PTCD2: variants seen among roughly 807,000 people sequenced by gnomAD.
The protein encoded by PTCD2 is pentatricopeptide repeat domain 2, also known as pentatricopeptide repeat-containing protein 2, mitochondrial.
A neutral mutation model predicts 42.6 loss-of-function variants in PTCD2; 31 were observed. That is an observed-to-expected ratio of 0.73 (90% confidence interval 0.55 to 0.98). PTCD2 has a LOEUF of 0.98. Ranked by LOEUF, PTCD2 falls within the 50% of genes least tolerant of loss-of-function variation. PTCD2 has a pLI of 0.00. For synonymous variants in PTCD2, 183 were observed against 170.9 expected (o/e 1.07, Z -0.55); for missense variants, 476 against 454.8 (o/e 1.05, Z -0.42).
intron 8 of PTCD2, among the ~76,000 whole-genome samples, chr5:72,350,247 G>A (rs1278030942): frequency 6.6e-6 from 1 of 152,204 alleles, no homozygotes; most frequent in Non-Finnish European, 1.5e-5. Context: ...GCCTGCCCCA[G>A]TTTCACGGAT....
At chr5:72,333,004 G>A (rs989602624) in intron 4 of PTCD2, among the ~76,000 whole-genome samples, 15 of 152,070 alleles carry the variant, frequency 9.9e-5, no homozygotes, top group Non-Finnish European at 2.1e-4. Context: ...TTTAAATGAG[G>A]CTAATTGAAA....
chr5:72,332,650 T>G (rs1265627497), intron 4 of PTCD2, among the ~76,000 whole-genome samples: 1 of 151,770 alleles, frequency 6.6e-6, no homozygotes, highest in African/African-American at 2.4e-5. Flanking sequence ...AGCAAACGGG[T>G]TTTTTTTAGC....
chr5:72,340,140 G>A (rs1751980051), intron 7 of PTCD2, among the ~76,000 whole-genome samples: 1 of 151,886 alleles, frequency 6.6e-6, no homozygotes, highest in Non-Finnish European at 1.5e-5. Flanking sequence ...TATGCCATGT[G>A]GTTATTTTCT....
chr5:72,326,211 T>C (rs1242088107), intron 2 of PTCD2, among the ~76,000 whole-genome samples: 1 of 152,256 alleles, frequency 6.6e-6, no homozygotes, highest in African/African-American at 2.4e-5. Context: ...GTTGACGGTT[T>C]GGGTGTCTGG....
intron 9 of PTCD2, among the ~76,000 whole-genome samples, chr5:72,354,577 C>G (rs1752785253): frequency 6.6e-6 from 1 of 152,056 alleles, no homozygotes; most frequent in African/African-American, 2.4e-5. Context: ...TGATATTTCT[C>G]TTGAATAGAA....
intron 4 of PTCD2, among the ~76,000 whole-genome samples, chr5:72,333,027 A>G (rs1751522509): frequency 6.6e-6 from 1 of 152,210 alleles, no homozygotes. Context: ...TTAGAGTCAC[A>G]TACATTGTGA....
chr5:72,358,117 A>G lies in PTCD2; in HGVS notation c.943-86A>G, dbSNP rs1752968753. ...CCTGGCCTACCATACATTTTTGTTC[A>G]TGTCCATTTCTTTTTCTTAGGGTTA... On this transcript the variant is annotated intron_variant, in intron 9 of 9. Transcript: ENST00000380639. The G allele has an allele frequency of 4.1e-6, 5 of 1,233,944 alleles. No individual in the cohort carries two copies. The South Asian group carries it at 6.8e-5, about 17-fold the overall frequency. The allele number at this position is 1,233,944 out of a possible 1,614,324, so 76.4% of individuals were successfully genotyped here.
At chr5:72,355,472 G>A (rs1752830755) in intron 9 of PTCD2, among the ~76,000 whole-genome samples, 2 of 151,950 alleles carry the variant, frequency 1.3e-5, no homozygotes, top group Admixed American at 6.6e-5. Context: ...TGAAAGTGAG[G>A]GACGGAAACA....
chr5:72,326,467 C>T (rs967619969), intron 2 of PTCD2, 145 bp from the exon 3 acceptor site: 12 of 773,676 alleles, frequency 1.6e-5, no homozygotes, highest in African/African-American at 8.7e-5. Flanking sequence ...GGAGATTGGC[C>T]AGTGATGGCA....
chr5:72,326,805 A>C, intron 3 of PTCD2, 64 bp downstream of exon 3: 1 of 1,542,256 alleles, frequency 6.5e-7, no homozygotes, highest in Non-Finnish European at 8.8e-7. Context: ...TTCTATGAGC[A>C]GTCTGATCCA....
intron 7 of PTCD2, among the ~76,000 whole-genome samples, chr5:72,339,157 G>T (rs142811538): frequency 8.5e-5 from 13 of 152,262 alleles, no homozygotes; most frequent in African/African-American, 3.1e-4. Flanking sequence ...CTGTTATTTG[G>T]GTGAGACCTT....
intron 6 of PTCD2, among the ~76,000 whole-genome samples, chr5:72,336,610 C>T (rs923865512): frequency 6.6e-6 from 1 of 150,994 alleles, no homozygotes; most frequent in African/African-American, 2.4e-5. Context: ...ACTCTGGAGG[C>T]TGAGGCAGGA....
chr5:72,321,772 G>A (rs1750861334), intron 1 of PTCD2, among the ~76,000 whole-genome samples: 1 of 152,034 alleles, frequency 6.6e-6, no homozygotes, highest in South Asian at 2.1e-4. Flanking sequence ...CTTCTCCCTG[G>A]ATAAACCAAA....
intron 3 of PTCD2, among the ~76,000 whole-genome samples, chr5:72,330,093 C>T (rs937757671): frequency 4.0e-5 from 6 of 151,570 alleles, no homozygotes; most frequent in Admixed American, 6.6e-5. Context: ...CCACCACGCC[C>T]GGCTAATTTT....
At chr5:72,344,783 C>T (rs1414797831) in intron 8 of PTCD2, among the ~76,000 whole-genome samples, 3 of 151,966 alleles carry the variant, frequency 2.0e-5, no homozygotes, top group East Asian at 1.9e-4. Flanking sequence ...CGTGATGCCC[C>T]GTGAGCCATA....
At chr5:72,352,605 C>T (rs1424110932) in intron 8 of PTCD2, 36 bp from the exon 9 acceptor site, 5 of 1,007,584 alleles carry the variant, frequency 5.0e-6, no homozygotes, top group Non-Finnish European at 7.8e-6. Flanking sequence ...GACACTCACT[C>T]AGTCTTGGTT....
Position 72,335,455 on chromosome 5 carries a change from C to CAAA in PTCD2, c.548-322_548-320dup, listed in dbSNP as rs11397039. On this transcript the variant is annotated intron_variant, in intron 5 of 9. Transcript: ENST00000380639. ...TGGGCGACAGAGCGAGACTCCGTCT[C>CAAA]AAAAAAAAAAAAAAAAAAATGATTC... 135 of 122,318 alleles carry CAAA rather than the reference C, an allele frequency of 1.1e-3. 2 individuals are homozygous for CAAA. Among genetic ancestry groups the CAAA allele is most frequent in the South Asian group, 2.1e-3 (8 of 3,872 alleles). The allele number at this position is 122,318 out of a possible 1,614,324, so 7.6% of individuals were successfully genotyped here.
rs370784805 is a variant in PTCD2, at chr5:72,358,221, A to G, written c.961A>G (p.Lys321Glu). 9.3e-6 allele frequency: 15 copies of G among 1,614,042 alleles called. No individual in the cohort carries two copies. Among genetic ancestry groups the G allele is most frequent in the Non-Finnish European group, 1.3e-5 (15 of 1,179,976 alleles). Residue 321 changes from lysine to glutamate, a missense_variant, in exon 10 of 10, where the codon AAA (lysine) becomes GAA (glutamate). By Grantham distance (56) the Lys-to-Glu change is moderately conservative (BLOSUM62 1). Transcript: ENST00000380639. ...TTTCCAGCTGGCCAAAGTGAGGGAA[A>G]AAGTGAAGGATGTGCCTGCCCTTGT... ...SEEVLAKVREKVKDVPALVAK... is the reference protein window; with the variant it reads ...SEEVLAKVREEVKDVPALVAK...
chr5:72,342,820 T>G, intron 7 of PTCD2, 142 bp from the exon 8 acceptor site: 1 of 416,934 alleles, frequency 2.4e-6, no homozygotes. Flanking sequence ...ATGTTTAGTT[T>G]TGATTTCCGA....
Sources: gnomAD v4.1 joint callset for allele counts (sites outside exome capture counted in the v4.1 genomes callset) on GRCh38, gnomAD v4.1.1 for gene constraint, MANE v1.5 for transcripts, NCBI Gene and HGNC (gene_info 2026-07-23, HGNC 2026-07-21) for gene names.